The following RABGAP1 variants were observed in gnomAD, a reference collection of about 807,000 sequenced individuals.
RABGAP1 encodes the protein rab GTPase-activating protein 1.
Under a neutral mutation model 137.6 loss-of-function variants are expected in RABGAP1, and 23 were observed. The ratio of observed to expected loss-of-function variants is 0.17; its 90% CI spans 0.12 to 0.24. The LOEUF is 0.24. RABGAP1 is among the 10% of genes least tolerant of loss of function. RABGAP1 has a pLI of 1.00. For synonymous variants in RABGAP1, 451 were observed against 450.7 expected (o/e 1.00, Z -0.01); for missense variants, 906 against 1,275.8 (o/e 0.71, Z 4.42).
At chr9:122,994,813 A>G (rs1021373085) in intron 6 of RABGAP1, among the ~76,000 whole-genome samples, 5 of 152,144 alleles carry the variant, frequency 3.3e-5, no homozygotes, top group Admixed American at 1.3e-4. Flanking sequence ...ACAGGGGATT[A>G]TTTTGTTAAA....
intron 10 of RABGAP1, among the ~76,000 whole-genome samples, chr9:123,009,725 A>C (rs2030627020): frequency 6.6e-6 from 1 of 152,182 alleles, no homozygotes; most frequent in Admixed American, 6.6e-5. Context: ...ACTAAAATAC[A>C]ATCAGTTGGA....
intron 1 of RABGAP1, chr9:122,945,965 C>G (rs934012715): frequency 2.0e-5 from 3 of 152,100 alleles, no homozygotes; most frequent in East Asian, 3.9e-4. Context: ...TATGCAGAAT[C>G]CTTTGGGAAT....
At chr9:123,075,717 G>A (rs994958727) in intron 17 of RABGAP1, among the ~76,000 whole-genome samples, 7 of 152,184 alleles carry the variant, frequency 4.6e-5, no homozygotes, top group African/African-American at 1.2e-4. Context: ...AAACCCATAG[G>A]AGAGTATTAG....
rs553461015 is a variant in RABGAP1, at chr9:122,980,160, A to T, written c.151-4325A>T. 2.6e-5 allele frequency among the ~76,000 whole-genome samples: 4 copies of T among 152,360 alleles called. No homozygotes were observed. In the East Asian group the frequency reaches 7.7e-4, roughly 29 times the overall value. On this transcript the variant is annotated intron_variant, in intron 2 of 25. Coordinates refer to ENST00000373647, the MANE Select transcript of RABGAP1 (RefSeq NM_012197.4). Reference sequence around the variant, plus strand: ...TACAAAGTCAGAGTTGAGTAGCTGCAAGAGAGACTACATATAAGGCCTGCA... The same window carrying T: ...TACAAAGTCAGAGTTGAGTAGCTGCTAGAGAGACTACATATAAGGCCTGCA...
chr9:123,098,442 C>T (rs886596244), intron 22 of RABGAP1, among the ~76,000 whole-genome samples: 2 of 152,238 alleles, frequency 1.3e-5, no homozygotes, highest in Admixed American at 6.5e-5. Context: ...TGAAGGTCCA[C>T]AGGTTGGCTT....
intron 19 of RABGAP1, 71 bp from the exon 20 acceptor site, chr9:123,089,687 C>G: frequency 8.1e-7 from 1 of 1,236,128 alleles, no homozygotes; most frequent in South Asian, 1.3e-5. Context: ...AAGTCTTGGT[C>G]TTCAGTGCAG....
intron 13 of RABGAP1, among the ~76,000 whole-genome samples, chr9:123,046,175 C>T (rs1276906060): frequency 2.0e-5 from 3 of 152,064 alleles, no homozygotes; most frequent in Admixed American, 6.5e-5. Flanking sequence ...ATACAAATCT[C>T]GGACATTAGG....
At chr9:123,004,749 T>C (rs1191334505) in intron 10 of RABGAP1, among the ~76,000 whole-genome samples, 3 of 152,182 alleles carry the variant, frequency 2.0e-5, no homozygotes, top group Non-Finnish European at 4.4e-5. Context: ...TTATTTGCCT[T>C]ATCTTCATCA....
intron 19 of RABGAP1, among the ~76,000 whole-genome samples, chr9:123,078,774 C>T (rs747512558): frequency 6.2e-4 from 95 of 152,110 alleles, no homozygotes; most frequent in Non-Finnish European, 1.1e-3. Flanking sequence ...TCTCACACTC[C>T]ACATCTATGC....
At chr9:122,980,464 G>A (rs1835986219) in intron 2 of RABGAP1, among the ~76,000 whole-genome samples, 1 of 152,086 alleles carries the variant, frequency 6.6e-6, no homozygotes, top group African/African-American at 2.4e-5. Context: ...CATCCACCAT[G>A]GTTCTATATT....
In RABGAP1 at chr9:123,101,962, G is replaced by A. The variant is rs551095230; in HGVS notation, c.3087+199G>A. Among the ~76,000 whole-genome samples, 125 of 152,240 alleles carry A rather than the reference G, an allele frequency of 8.2e-4. 4 individuals carry two copies. In the South Asian group the frequency reaches 0.024, roughly 30 times the overall value. On this transcript the variant is annotated intron_variant, in intron 25 of 25. Coordinates refer to ENST00000373647, the MANE Select transcript of RABGAP1 (RefSeq NM_012197.4). ...TATTTGGCCTGTCTTGAGGATTTCCGCTGTCATATTGAGAATAATACACAA... is the reference window on the plus strand; with the variant it reads ...TATTTGGCCTGTCTTGAGGATTTCCACTGTCATATTGAGAATAATACACAA...
At position 123,104,627 on chromosome 9, in the gene RABGAP1, G is replaced by C. The variant is rs1326167048; in HGVS notation, c.*1414G>C. On this transcript the variant is annotated 3_prime_UTR_variant, in exon 26 of 26. Coordinates refer to ENST00000373647, the MANE Select transcript of RABGAP1 (RefSeq NM_012197.4). The stretch of plus-strand genomic sequence containing the variant: ...TGCTGAGGTTATCTGTAATAAGGGA[G>C]GTAACAAGTGGCAACCCCCTCCCCA... 1.3e-5 allele frequency: 2 copies of C among 152,322 alleles called. No homozygotes were observed. The highest frequency in any genetic ancestry group is 2.9e-5 in the Non-Finnish European group (2 of 68,098). The allele number at this position is 152,322 out of a possible 1,614,324, so 9.4% of individuals were successfully genotyped here.
chr9:122,937,192 G>A (rs1833399418), upstream of RABGAP1, among the ~76,000 whole-genome samples: 1 of 152,162 alleles, frequency 6.6e-6, no homozygotes, highest in Non-Finnish European at 1.5e-5. Context: ...AGGAAAGTAT[G>A]GTCAATTCAG....
chr9:123,037,438 A>C (rs1395915192), intron 13 of RABGAP1, among the ~76,000 whole-genome samples: 2 of 152,208 alleles, frequency 1.3e-5, no homozygotes, highest in Non-Finnish European at 2.9e-5. Flanking sequence ...TTTAGAACTC[A>C]TACTGAAATT....
intron 16 of RABGAP1, 142 bp downstream of exon 16, chr9:123,073,819 C>T: frequency 8.7e-7 from 1 of 1,152,408 alleles, no homozygotes; most frequent in East Asian, 2.5e-5. Context: ...TCCTTTATCA[C>T]TATGTGATTA....
chr9:123,064,014 ATT>A (rs1183595536), intron 13 of RABGAP1, among the ~76,000 whole-genome samples: 1 of 152,010 alleles, frequency 6.6e-6, no homozygotes, highest in Non-Finnish European at 1.5e-5. Context: ...CCGCCCCAAA[ATT>A]TGTGTGCGTG....
At chr9:122,965,001 TAGAAAA>T (rs1835062593) in intron 2 of RABGAP1, among the ~76,000 whole-genome samples, 1 of 151,832 alleles carries the variant, frequency 6.6e-6, no homozygotes, top group African/African-American at 2.4e-5. Flanking sequence ...TGTCTCTACT[TAGAAAA>T]AAAGATTTCA....
At chr9:123,054,690 C>T (rs2033622449) in intron 13 of RABGAP1, among the ~76,000 whole-genome samples, 2 of 152,228 alleles carry the variant, frequency 1.3e-5, no homozygotes, top group East Asian at 1.9e-4. Flanking sequence ...ATTTAGTCCT[C>T]ATGTTTCCTT....
the RABGAP1 span, among the ~76,000 whole-genome samples, chr9:122,934,235 A>G: frequency 2.0e-5 from 3 of 151,384 alleles, no homozygotes; most frequent in South Asian, 6.3e-4. Flanking sequence ...GTGCCACCAC[A>G]CCCGGCTAAT....
Sources: allele counts gnomAD v4.1 joint callset (sites outside exome capture counted in the v4.1 genomes callset), GRCh38; gene constraint gnomAD v4.1.1; transcripts MANE v1.5; gene names NCBI Gene and HGNC (gene_info 2026-07-23, HGNC 2026-07-21).